Variants in ITGA9 observed in about 807,000 individuals in gnomAD.
ITGA9 encodes the protein integrin subunit alpha 9.
Under a neutral mutation model 127.8 loss-of-function variants are expected in ITGA9, and 56 were observed. That is an observed-to-expected ratio of 0.44 (90% CI 0.35 to 0.55). The LOEUF (loss-of-function observed/expected upper bound fraction) is 0.55. ITGA9 is among the 20% of genes least tolerant of loss of function. ITGA9 has a pLI of 0.00. For synonymous variants in ITGA9, 508 were observed against 514.5 expected (o/e 0.99, Z 0.17); for missense variants, 1,196 against 1,347.1 (o/e 0.89, Z 1.76).
intron 18 of ITGA9, among the ~76,000 whole-genome samples, chr3:37,689,730 A>G (rs1700813680): frequency 6.6e-6 from 1 of 152,230 alleles, no homozygotes; most frequent in East Asian, 1.9e-4. Flanking sequence ...GGAGATGTAC[A>G]GCTCTATGGC....
At chr3:37,779,275 C>A (rs185518892) in intron 24 of ITGA9, among the ~76,000 whole-genome samples, 3 of 152,090 alleles carry the variant, frequency 2.0e-5, no homozygotes, top group Admixed American at 6.5e-5. Context: ...TGGCTAACTT[C>A]TGTATTTTTT....
At chr3:37,670,989 A>G (rs537099941) in intron 17 of ITGA9, among the ~76,000 whole-genome samples, 39 of 152,198 alleles carry the variant, frequency 2.6e-4, no homozygotes, top group African/African-American at 7.7e-4. Context: ...CACTGCTTGC[A>G]TTTTCTGTGC....
At chr3:37,460,027 C>G (rs1400103878) in intron 1 of ITGA9, among the ~76,000 whole-genome samples, 1 of 152,176 alleles carries the variant, frequency 6.6e-6, no homozygotes, top group East Asian at 1.9e-4. Context: ...AGCATTAAGA[C>G]AGAAGTGTCC....
chr3:37,752,546 A>G (rs1038917312), intron 23 of ITGA9, among the ~76,000 whole-genome samples: 4 of 152,104 alleles, frequency 2.6e-5, no homozygotes, highest in African/African-American at 9.7e-5. Context: ...GGGACCCTCA[A>G]ATTGTTTCTC....
At chr3:37,491,391 A>G (rs775344949) in intron 4 of ITGA9, among the ~76,000 whole-genome samples, 10 of 152,150 alleles carry the variant, frequency 6.6e-5, no homozygotes, top group Admixed American at 1.3e-4. Flanking sequence ...AGTAGTGGAG[A>G]GGGCACTAGC....
intron 21 of ITGA9, among the ~76,000 whole-genome samples, chr3:37,742,419 C>T (rs560100265): frequency 3.3e-5 from 5 of 152,280 alleles, no homozygotes; most frequent in African/African-American, 9.6e-5. Flanking sequence ...CATTCAGTGC[C>T]GCTGGCATTG....
chr3:37,588,063 C>T (rs2125613478), intron 15 of ITGA9, among the ~76,000 whole-genome samples: 1 of 152,316 alleles, frequency 6.6e-6, no homozygotes, highest in African/African-American at 2.4e-5. Context: ...CTCTTTACAG[C>T]CTCTTAGAAA....
At chr3:37,513,974 C>A in intron 9 of ITGA9, 74 bp downstream of exon 9, 2 of 1,573,774 alleles carry the variant, frequency 1.3e-6, no homozygotes, top group Non-Finnish European at 1.7e-6. Context: ...TGGCCGAGCA[C>A]CCCTCTGGGC....
intron 27 of ITGA9, 139 bp downstream of exon 27, chr3:37,804,081 C>T (rs1290630965): frequency 2.2e-5 from 29 of 1,313,350 alleles, no homozygotes; most frequent in Admixed American, 5.6e-5. Flanking sequence ...ACCCTTCAGG[C>T]AGGGAGTGGA....
Position 37,481,880 on chromosome 3 carries a change from G to A in ITGA9, c.544+273G>A, listed in dbSNP as rs1698559594. On this transcript the variant is annotated intron_variant, in intron 4 of 27. Coordinates refer to ENST00000264741, the MANE Select transcript of ITGA9 (RefSeq NM_002207.3). ...CTTACCAAGCATTATGAAGTCTCAG[G>A]GACCGAAATTCACCAAGCCTCAGCC... Among the ~76,000 whole-genome samples, 3 of 152,324 alleles carry A rather than the reference G, an allele frequency of 2.0e-5. No homozygotes were observed. The South Asian group carries it at 6.2e-4, about 32-fold the overall frequency.
At chr3:37,787,718 T>A (rs1697058437) in intron 26 of ITGA9, among the ~76,000 whole-genome samples, 1 of 152,256 alleles carries the variant, frequency 6.6e-6, no homozygotes, top group Non-Finnish European at 1.5e-5. Flanking sequence ...TGCCTGGCCT[T>A]CTGTCAACTA....
chr3:37,698,312 C>G (rs1372026689), intron 18 of ITGA9, among the ~76,000 whole-genome samples: 1 of 152,050 alleles, frequency 6.6e-6, no homozygotes, highest in African/African-American at 2.4e-5. Context: ...TGGTAGTTTC[C>G]TTTGCTGTGC....
chr3:37,615,672 A>G (rs1266561600), intron 15 of ITGA9, among the ~76,000 whole-genome samples: 2 of 152,072 alleles, frequency 1.3e-5, no homozygotes, highest in Non-Finnish European at 2.9e-5. Flanking sequence ...CAGAGATTCA[A>G]CTTCTTCCTG....
intron 18 of ITGA9, among the ~76,000 whole-genome samples, chr3:37,696,821 A>C (rs1484440376): frequency 6.6e-6 from 1 of 152,168 alleles, no homozygotes; most frequent in African/African-American, 2.4e-5. Flanking sequence ...AAGTGTAATC[A>C]TGTCATTTAT....
intron 20 of ITGA9, among the ~76,000 whole-genome samples, chr3:37,737,723 G>A (rs908910201): frequency 2.6e-5 from 4 of 152,158 alleles, no homozygotes; most frequent in African/African-American, 9.7e-5. Flanking sequence ...CTTTGATTGG[G>A]GTGGTGGTTG....
rs554417310 is a variant in ITGA9 at position 37,767,893 on chromosome 3, C to T, written c.2542-9499C>T. Among the ~76,000 whole-genome samples, 6 of 152,214 alleles carry T rather than the reference C, an allele frequency of 3.9e-5. No homozygotes were observed. The South Asian group carries it at 1.0e-3, about 26-fold the overall frequency. On this transcript the variant is annotated intron_variant, in intron 23 of 27. Coordinates refer to ENST00000264741, the MANE Select transcript of ITGA9 (RefSeq NM_002207.3). ...ACCTTCAAATGGGGTGATGCACACA[C>T]GAGTAGCATGAAATTAGCCATGTTC...
intron 15 of ITGA9, among the ~76,000 whole-genome samples, chr3:37,607,795 G>A (rs544531639): frequency 1.1e-4 from 17 of 152,264 alleles, no homozygotes; most frequent in African/African-American, 4.1e-4. Context: ...AAACAACATC[G>A]TGCCCAGAAA....
intron 26 of ITGA9, among the ~76,000 whole-genome samples, chr3:37,802,828 G>C (rs1697251181): frequency 1.3e-5 from 2 of 152,214 alleles, no homozygotes; most frequent in South Asian, 4.1e-4. Flanking sequence ...TAGGTACGGA[G>C]TTAGGAAGAG....
chr3:37,629,414 G>A lies in ITGA9; in HGVS notation c.1839+78G>A, dbSNP rs1184771134. The A allele has an allele frequency of 1.3e-6, 2 of 1,542,366 alleles. No homozygotes were observed. Among genetic ancestry groups the A allele is most frequent in the African/African-American group, 1.4e-5 (1 of 73,448 alleles). ...AGAAATAATGGCCCAAAAGTTGAGAGAGCCGTGGGCCTGGCTGCTCAGGAG... is the reference window on the plus strand; with the variant it reads ...AGAAATAATGGCCCAAAAGTTGAGAAAGCCGTGGGCCTGGCTGCTCAGGAG... On this transcript the variant is annotated intron_variant, in intron 16 of 27. Coordinates refer to ENST00000264741, the MANE Select transcript of ITGA9 (RefSeq NM_002207.3). This position sits in a 1 kb window ranked among gnomAD's most constrained non-coding sequence, Gnocchi z 4.5.
Sources: gnomAD v4.1 joint callset for allele counts (sites outside exome capture counted in the v4.1 genomes callset) on GRCh38, gnomAD v4.1.1 for gene constraint, Gnocchi (gnomAD v3.1) non-coding constraint, MANE v1.5 for transcripts, NCBI Gene and HGNC (gene_info 2026-07-23, HGNC 2026-07-21) for gene names.